CTNNA3: variants seen among roughly 807,000 people sequenced by gnomAD.
CTNNA3 encodes the protein catenin alpha-3.
Under a neutral mutation model 95.7 loss-of-function variants are expected in CTNNA3, and 76 were observed. The ratio of observed to expected loss-of-function variants is 0.79; its 90% confidence interval spans 0.66 to 0.96. The LOEUF is 0.96. Among genes scored for constraint, CTNNA3 ranks in the 40% least tolerant of loss-of-function variants. The pLI is 0.00. For synonymous variants in CTNNA3, 431 were observed against 374.4 expected, an observed-to-expected ratio of 1.15 and a Z score of -1.74; for missense variants, 1,191 against 1,089.8, an observed-to-expected ratio of 1.09 and a Z score of -1.31.
In CTNNA3 at chr10:66,676,148, C is replaced by T. The variant is rs190655858; in HGVS notation, c.1282-54364G>A. ...ACACACAACTGCAATTTATCTTATT[C>T]CTTCCAGGTTGTGAAATGGACTGGG... On this transcript the variant is annotated intron_variant, in intron 9 of 17. Transcript: ENST00000433211. Among the ~76,000 whole-genome samples the T allele has an allele frequency of 9.1e-3, 1,351 of 148,096 alleles. 12 individuals are homozygous for T. Among genetic ancestry groups the T allele is most frequent in the South Asian group, 0.047 (213 of 4,578 alleles).
At chr10:66,830,734 C>T (rs569572155) in intron 7 of CTNNA3, among the ~76,000 whole-genome samples, 10 of 151,978 alleles carry the variant, frequency 6.6e-5, no homozygotes, top group Non-Finnish European at 1.0e-4. Flanking sequence ...CTCAGCCTCC[C>T]GAGTAGCTGG....
rs377470743 is a variant in CTNNA3 at position 67,247,452 on chromosome 10, A to G, written c.580-27582T>C. On this transcript the variant is annotated intron_variant, in intron 5 of 17. Transcript: ENST00000433211. The stretch of plus-strand genomic sequence containing the variant: ...ACTTAGTAAAAAAATTTAACAAGAG[A>G]AATACAAGATGAGTATATTGAAAAC... Among the ~76,000 whole-genome samples the G allele has an allele frequency of 3.3e-5, 5 of 152,358 alleles. No individual in the cohort carries two copies. In the South Asian group the frequency reaches 6.2e-4, roughly 19 times the overall value.
rs191143875 is a variant in CTNNA3, at chr10:66,755,118, G to C, written c.1281+11146C>G. 1.8e-4 allele frequency among the ~76,000 whole-genome samples: 28 copies of C among 152,256 alleles called. No individual in the cohort carries two copies. The East Asian group carries it at 5.0e-3, about 27-fold the overall frequency. ...ATGCAGTACACAACAGTATACATCAGAACTGGGCATAAGCCGGAATGAAGT... is the reference window on the plus strand; with the variant it reads ...ATGCAGTACACAACAGTATACATCACAACTGGGCATAAGCCGGAATGAAGT... On this transcript the variant is annotated intron_variant, in intron 9 of 17. Transcript: ENST00000433211.
In CTNNA3 at chr10:66,379,280, C is replaced by A. The variant is rs139378888; in HGVS notation, c.1604G>T (p.Arg535Leu). ...LRDQDADNLD[R>L]AAGAIRGRAA... is the part of the protein sequence containing the mutation. ...CCGGCCTCTGATAGCACCCGCAGCA[C>A]GGTCTAAATTATCAGCATCCTGGTC... is the stretch of plus-strand genomic sequence containing the variant. The change falls in exon 12 of 18, where the codon CGT (arginine) becomes CTT (leucine). Residue 535 changes from arginine to leucine, a missense_variant. Arg to Leu is a moderately radical substitution (Grantham distance 102). Transcript: ENST00000433211. 1.9e-6 allele frequency: 3 copies of A among 1,614,118 alleles called. No homozygotes were observed. The highest frequency in any genetic ancestry group is 2.2e-5 in the South Asian group (2 of 91,086).
At position 67,557,962 on chromosome 10, in the gene CTNNA3, T is replaced by C. The variant is rs1388857901; in HGVS notation, c.293-18293A>G. ...CAACAAGACCCTATCTCTCTAAACA[T>C]GGCCACTCTCATACTGCTTACCTCA... On this transcript the variant is annotated intron_variant, in intron 3 of 17. Transcript: ENST00000433211. Among the ~76,000 whole-genome samples, 6 of 152,322 alleles carry C rather than the reference T, an allele frequency of 3.9e-5. No individual in the cohort carries two copies. In the South Asian group the frequency reaches 8.3e-4, roughly 21 times the overall value.
intron 7 of CTNNA3, among the ~76,000 whole-genome samples, chr10:66,776,841 T>C (rs1265889778): frequency 6.6e-6 from 1 of 152,208 alleles, no homozygotes; most frequent in Non-Finnish European, 1.5e-5. Flanking sequence ...ATCCCCCTTA[T>C]GATACTGTTA....
At chr10:66,042,554 T>A (rs2079717150) in intron 15 of CTNNA3, among the ~76,000 whole-genome samples, 2 of 151,716 alleles carry the variant, frequency 1.3e-5, no homozygotes, top group Admixed American at 1.3e-4. Flanking sequence ...ATAAAGAGGG[T>A]CATATCTAAA....
chr10:67,716,120 A>G lies in CTNNA3; in HGVS notation c.-2+47314T>C, dbSNP rs1841141448. 2.0e-5 allele frequency among the ~76,000 whole-genome samples: 3 copies of G among 152,314 alleles called. No individual in the cohort carries two copies. The South Asian group carries it at 6.2e-4, about 32-fold the overall frequency. ...AGTTTAAGGTTTCATTATTAAAATC[A>G]ATTCATGTTATCAAATATAGGTATA... On this transcript the variant is annotated intron_variant, in intron 1 of 17. Transcript: ENST00000684154.
intron 12 of CTNNA3, among the ~76,000 whole-genome samples, chr10:66,354,691 G>A (rs2092595607): frequency 6.6e-6 from 1 of 151,840 alleles, no homozygotes; most frequent in Non-Finnish European, 1.5e-5. Context: ...ATGTGCCCTG[G>A]GAAGTCATTC....
At chr10:65,959,475 C>T (rs1418537726) in intron 17 of CTNNA3, among the ~76,000 whole-genome samples, 1 of 152,150 alleles carries the variant, frequency 6.6e-6, no homozygotes, top group East Asian at 1.9e-4. Context: ...ATCGCTCATG[C>T]TGGGAGCTGT....
At chr10:66,893,962 T>C (rs1283770107) in intron 7 of CTNNA3, among the ~76,000 whole-genome samples, 2 of 152,118 alleles carry the variant, frequency 1.3e-5, no homozygotes, top group Non-Finnish European at 2.9e-5. Context: ...GTGTTTAATA[T>C]ATGTATTTTT....
chr10:66,612,631 C>G (rs1443373840), intron 10 of CTNNA3, among the ~76,000 whole-genome samples: 1 of 152,028 alleles, frequency 6.6e-6, no homozygotes, highest in African/African-American at 2.4e-5. Flanking sequence ...AAGGTTGATC[C>G]CCACCACTGT....
At chr10:67,709,034 A>G (rs1841092923) in intron 1 of CTNNA3, among the ~76,000 whole-genome samples, 1 of 151,958 alleles carries the variant, frequency 6.6e-6, no homozygotes, top group Non-Finnish European at 1.5e-5. Context: ...TATATAAATG[A>G]TCAGGCATAC....
At chr10:65,997,384 T>C (rs951474379) in intron 15 of CTNNA3, among the ~76,000 whole-genome samples, 1 of 152,194 alleles carries the variant, frequency 6.6e-6, no homozygotes, top group African/African-American at 2.4e-5. Context: ...TAAAATCTGG[T>C]GCTGCACACT....
intron 11 of CTNNA3, among the ~76,000 whole-genome samples, chr10:66,393,117 C>T (rs566933862): frequency 1.3e-5 from 2 of 151,982 alleles, no homozygotes; most frequent in Non-Finnish European, 2.9e-5. Flanking sequence ...ATGCATACTG[C>T]TAATGAAAGA....
intron 13 of CTNNA3, among the ~76,000 whole-genome samples, chr10:66,148,922 A>G (rs2084040173): frequency 6.6e-6 from 1 of 151,704 alleles, no homozygotes; most frequent in Admixed American, 6.6e-5. Context: ...TAGATTACAA[A>G]TCTAAATGTA....
intron 6 of CTNNA3, among the ~76,000 whole-genome samples, chr10:67,200,637 G>C (rs149726465): frequency 4.6e-5 from 7 of 152,086 alleles, no homozygotes; most frequent in Admixed American, 4.6e-4. Flanking sequence ...GCCTTCCCAT[G>C]CTCAAGCCAT....
chr10:66,017,619 T>C (rs971252351), intron 15 of CTNNA3, among the ~76,000 whole-genome samples: 3 of 152,112 alleles, frequency 2.0e-5, no homozygotes, highest in Admixed American at 6.5e-5. Flanking sequence ...TTAGGACAAG[T>C]GGCTTCCAGA....
Position 66,261,299 on chromosome 10 carries a change from T to C in CTNNA3, c.1884+19171A>G, listed in dbSNP as rs143637186. Among the ~76,000 whole-genome samples, 1,281 of 152,250 alleles carry C rather than the reference T, an allele frequency of 8.4e-3. 17 individuals are homozygous for C. The highest frequency in any genetic ancestry group is 0.013 in the Non-Finnish European group (893 of 67,976). ...TTTAAATTATTTCCCTTGATCTTCC[T>C]ACCTCATCTTCTTTTACAGAGAAAC... is the stretch of plus-strand genomic sequence containing the variant. On this transcript the variant is annotated intron_variant, in intron 13 of 17. Transcript: ENST00000433211.
Sources: allele counts gnomAD v4.1 joint callset (sites outside exome capture counted in the v4.1 genomes callset), GRCh38; gene constraint gnomAD v4.1.1; transcripts MANE v1.5; gene names NCBI Gene and HGNC (gene_info 2026-07-23, HGNC 2026-07-21).